Variants in TAF4 observed in about 807,000 individuals in gnomAD.
The protein encoded by TAF4 is transcription initiation factor TFIID subunit 4.
TAF4 carries 9 observed loss-of-function variants against 90.3 expected under a neutral mutation model. That is an observed-to-expected ratio of 0.10 (90% confidence interval 0.06 to 0.17). TAF4 has a LOEUF of 0.17. Ranked by LOEUF, TAF4 falls within the 10% of genes least tolerant of loss-of-function variation. TAF4 has a pLI of 1.00. For missense variants in TAF4, 1,351 were observed against 1,370.7 expected (o/e 0.99, Z 0.23); for synonymous variants, 818 against 638.9 (o/e 1.28, Z -4.23).
At chr20:61,985,752 G>A (rs542387529) in intron 14 of TAF4, among the ~76,000 whole-genome samples, 1 of 151,722 alleles carries the variant, frequency 6.6e-6, no homozygotes, top group African/African-American at 2.4e-5. Flanking sequence ...AGGCCGCTGT[G>A]TTCAGCACAG....
In TAF4 at chr20:62,064,798, G is replaced by A; in HGVS notation, c.1013C>T (p.Pro338Leu). 5 of 1,020,494 alleles carry A rather than the reference G, an allele frequency of 4.9e-6. No homozygotes were observed. The highest frequency in any genetic ancestry group is 5.9e-6 in the Non-Finnish European group (5 of 854,580). 63.2% of individuals were successfully genotyped at this position (1,020,494 alleles called of 1,614,324 possible). A position where few individuals can be genotyped will look rare whatever the true frequency, so the allele number is the denominator to read the frequency against. The change falls in exon 1 of 15, where the codon CCG (proline) becomes CTG (leucine). Residue 338 changes from proline to leucine, a missense_variant. Pro to Leu is a moderately conservative substitution (Grantham distance 98). Coordinates refer to ENST00000252996, the MANE Select transcript of TAF4 (RefSeq NM_003185.4). Reference protein sequence around the residue: ...QPGPGAAAAAPAPGVKAESPK... With the variant: ...QPGPGAAAAALAPGVKAESPK... Reference sequence around the variant, plus strand: ...CGACTCGGCCTTGACCCCCGGCGCCGGCGCCGCAGCCGCCGCGCCGGGCCC... The same window carrying A: ...CGACTCGGCCTTGACCCCCGGCGCCAGCGCCGCAGCCGCCGCGCCGGGCCC...
chr20:62,053,750 C>T lies in TAF4; in HGVS notation c.1360+10701G>A, dbSNP rs537845586. On this transcript the variant is annotated intron_variant, in intron 1 of 14. Transcript: ENST00000252996. ...CTGCTGGCTGTCCACCCGTATCCCA[C>T]CCTGCCCCCAGGCACAAGCCGAACC... Among the ~76,000 whole-genome samples, 6 of 152,364 alleles carry T rather than the reference C, an allele frequency of 3.9e-5. No individual in the cohort carries two copies. The East Asian group carries it at 1.2e-3, about 29-fold the overall frequency.
At chr20:62,053,573 G>A (rs533912864) in intron 1 of TAF4, among the ~76,000 whole-genome samples, 5 of 152,332 alleles carry the variant, frequency 3.3e-5, no homozygotes, top group African/African-American at 7.2e-5. Context: ...ACCTCCGCCC[G>A]TCCACGCCGA....
chr20:62,024,836 C>T (rs1325013370), intron 1 of TAF4, among the ~76,000 whole-genome samples: 2 of 151,866 alleles, frequency 1.3e-5, no homozygotes, highest in Non-Finnish European at 2.9e-5. Flanking sequence ...TGCCACTGCA[C>T]TCCAGCCCAG....
intron 14 of TAF4, among the ~76,000 whole-genome samples, chr20:61,987,711 G>A (rs1421310873): frequency 6.6e-6 from 1 of 152,238 alleles, no homozygotes; most frequent in African/African-American, 2.4e-5. Context: ...CAGCAATCGT[G>A]CTCCTTGGTA....
chr20:61,992,594 C>A (rs1237843909), intron 14 of TAF4, among the ~76,000 whole-genome samples: 1 of 152,066 alleles, frequency 6.6e-6, no homozygotes, highest in Non-Finnish European at 1.5e-5. Flanking sequence ...CCCATATAAG[C>A]CCATGAGACC....
chr20:61,975,992 T>G lies in TAF4; in HGVS notation c.*176A>C. ...CTTTAAGAGTATCCACAGGCCTTTG[T>G]GTTCTCTCTGTTACAGAAACGTGTT... On this transcript the variant is annotated 3_prime_UTR_variant, in exon 15 of 15. Coordinates refer to ENST00000252996, the MANE Select transcript of TAF4 (RefSeq NM_003185.4). 1.5e-6 allele frequency: 1 copy of G among 663,694 alleles called. No homozygotes were observed. The highest frequency in any genetic ancestry group is 2.5e-6 in the Non-Finnish European group (1 of 395,270). 41.1% of individuals were successfully genotyped at this position (663,694 alleles called of 1,614,324 possible). A position where few individuals can be genotyped will look rare whatever the true frequency, so the allele number is the denominator to read the frequency against.
intron 14 of TAF4, among the ~76,000 whole-genome samples, chr20:61,985,978 CAATCAAA>C (rs2055588729): frequency 5.3e-5 from 8 of 150,434 alleles, no homozygotes; most frequent in South Asian, 2.1e-4. Context: ...GCACCATCCC[CAATCAAA>C]GGAAATACCA....
intron 2 of TAF4, among the ~76,000 whole-genome samples, chr20:62,014,017 T>TGG (rs1184121743): frequency 1.0e-4 from 12 of 116,508 alleles, no homozygotes; most frequent in South Asian, 5.2e-4. Flanking sequence ...CGCGGGGGTG[T>TGG]GGGTGTGTGT....
In TAF4 at chr20:62,034,870, G is replaced by T. The variant is rs182858916; in HGVS notation, c.1361-20163C>A. On this transcript the variant is annotated intron_variant, in intron 1 of 14. Transcript: ENST00000252996. ...GAGTCTCGCTCTGTCACCCAGGCTGGAGTACAGTGGCGCAATCTCGGCTCA... is the reference window on the plus strand; with the variant it reads ...GAGTCTCGCTCTGTCACCCAGGCTGTAGTACAGTGGCGCAATCTCGGCTCA... 1.9e-4 allele frequency among the ~76,000 whole-genome samples: 28 copies of T among 147,336 alleles called. 1 individual carries two copies. Among genetic ancestry groups the T allele is most frequent in the Admixed American group, 1.6e-3 (23 of 14,352 alleles).
At chr20:62,018,405 C>A (rs924355238) in intron 1 of TAF4, among the ~76,000 whole-genome samples, 1 of 152,242 alleles carries the variant, frequency 6.6e-6, no homozygotes, top group Non-Finnish European at 1.5e-5. Context: ...CATCTATTCA[C>A]GCCAAGGCAA....
At chr20:61,992,354 T>C (rs1165213807) in intron 14 of TAF4, among the ~76,000 whole-genome samples, 1 of 152,190 alleles carries the variant, frequency 6.6e-6, no homozygotes, top group African/African-American at 2.4e-5. Flanking sequence ...CATATTCTTA[T>C]TCTCAGGCTA....
chr20:62,021,837 AT>A, intron 1 of TAF4, among the ~76,000 whole-genome samples: 1 of 152,170 alleles, frequency 6.6e-6, no homozygotes, highest in Non-Finnish European at 1.5e-5. Context: ...ATTTTTAAAT[AT>A]TTAAAAAAAG....
chr20:62,023,965 C>T (rs1454203652), intron 1 of TAF4, among the ~76,000 whole-genome samples: 1 of 151,946 alleles, frequency 6.6e-6, no homozygotes, highest in Non-Finnish European at 1.5e-5. Flanking sequence ...GTGGTCCCAG[C>T]TACTCAGGAG....
At chr20:62,052,510 C>T (rs1417574528) in intron 1 of TAF4, among the ~76,000 whole-genome samples, 3 of 151,968 alleles carry the variant, frequency 2.0e-5, no homozygotes, top group African/African-American at 7.3e-5. Flanking sequence ...GCACCAGCTC[C>T]ACACCCCAGC....
intron 1 of TAF4, among the ~76,000 whole-genome samples, chr20:62,060,179 C>T (rs1029287664): frequency 6.6e-6 from 1 of 152,192 alleles, no homozygotes; most frequent in Non-Finnish European, 1.5e-5. Context: ...CTGCTCTCTG[C>T]CCTGGGAGAA....
chr20:62,015,804 T>C (rs1260119534), intron 1 of TAF4, among the ~76,000 whole-genome samples: 1 of 152,186 alleles, frequency 6.6e-6, no homozygotes, highest in Non-Finnish European at 1.5e-5. Flanking sequence ...GCTGGGGCAC[T>C]CTCAGGGCTG....
chr20:62,063,680 G>C (rs2056103147), intron 1 of TAF4, among the ~76,000 whole-genome samples: 1 of 152,188 alleles, frequency 6.6e-6, no homozygotes, highest in African/African-American at 2.4e-5. Context: ...CTGCCCTCCC[G>C]AGGGGGCAGC....
At chr20:62,012,640 C>G in intron 3 of TAF4, 175 bp downstream of exon 3, 1 of 829,914 alleles carries the variant, frequency 1.2e-6, no homozygotes, top group Non-Finnish European at 1.7e-6. Flanking sequence ...CCTGACTTAT[C>G]CCATGTTGGT....
Sources: gnomAD v4.1 joint callset for allele counts (sites outside exome capture counted in the v4.1 genomes callset) on GRCh38, gnomAD v4.1.1 for gene constraint, MANE v1.5 for transcripts, NCBI Gene and HGNC (gene_info 2026-07-23, HGNC 2026-07-21) for gene names.